SARNP: variants seen among roughly 807,000 people sequenced by gnomAD.
SARNP encodes the protein SAP domain-containing ribonucleoprotein.
SARNP carries 5 observed loss-of-function variants against 38.1 expected under a neutral mutation model. That is an observed-to-expected ratio of 0.13 (90% CI 0.07 to 0.28). SARNP has a LOEUF of 0.28. Ranked by LOEUF, SARNP falls within the 10% of genes least tolerant of loss-of-function variation. The pLI, the probability that SARNP is intolerant of heterozygous loss-of-function variation, is 1.00. For synonymous variants in SARNP, 84 were observed against 80.6 expected (o/e 1.04, Z -0.23); for missense variants, 180 against 243.9 (o/e 0.74, Z 1.75).
chr12:55,782,505 C>G (rs1209147897), intron 9 of SARNP, among the ~76,000 whole-genome samples: 1 of 152,190 alleles, frequency 6.6e-6, no homozygotes, highest in Non-Finnish European at 1.5e-5. Context: ...TTAGTTTTTA[C>G]CAAAACTAAT....
intron 5 of SARNP, among the ~76,000 whole-genome samples, chr12:55,795,762 C>A (rs1419984773): frequency 1.3e-5 from 2 of 152,152 alleles, no homozygotes; most frequent in African/African-American, 4.8e-5. Context: ...TAAATCTAAT[C>A]CTAGGTTTGA....
At chr12:55,796,002 C>A in intron 5 of SARNP, 23 bp downstream of exon 5, 1 of 1,541,008 alleles carries the variant, frequency 6.5e-7, no homozygotes, top group Non-Finnish European at 9.0e-7. Context: ...AGAGACTGTT[C>A]TACTAGGGAG....
At chr12:55,766,632 G>GGGGGT (rs1565671275) in intron 9 of SARNP, among the ~76,000 whole-genome samples, 1 of 46,570 alleles carries the variant, frequency 2.1e-5, no homozygotes. Flanking sequence ...GGGGGGGGGG[G>GGGGGT]TTGTTTTTTT....
chr12:55,783,206 G>T (rs1197637045), intron 9 of SARNP, among the ~76,000 whole-genome samples: 2 of 150,128 alleles, frequency 1.3e-5, no homozygotes, highest in Non-Finnish European at 2.9e-5. Context: ...ATGGGAAACA[G>T]ATAGAGAAAA....
At chr12:55,785,042 G>C (rs1483361653) in intron 9 of SARNP, among the ~76,000 whole-genome samples, 1 of 152,162 alleles carries the variant, frequency 6.6e-6, no homozygotes, top group Non-Finnish European at 1.5e-5. Flanking sequence ...TCCAGAAATT[G>C]AAAATGTTAA....
Position 55,788,626 on chromosome 12 carries a change from G to A in SARNP, c.501+449C>T, listed in dbSNP as rs540159616. Among the ~76,000 whole-genome samples, 13 of 152,002 alleles carry A rather than the reference G, an allele frequency of 8.6e-5. No individual in the cohort carries two copies. In the South Asian group the frequency reaches 1.7e-3, roughly 19 times the overall value. ...AGCTTGGGTAACATAGCAAAATCCC[G>A]TCTCTACCAAAAATTGAAAAAAATT... is the stretch of plus-strand genomic sequence containing the variant. On this transcript the variant is annotated intron_variant, in intron 9 of 10. Transcript: ENST00000336133.
At chr12:55,813,031 C>T (rs1378464921) in intron 1 of SARNP, among the ~76,000 whole-genome samples, 1 of 152,084 alleles carries the variant, frequency 6.6e-6, no homozygotes, top group Non-Finnish European at 1.5e-5. Context: ...CTGCAACCTC[C>T]GCCTCCTGGG....
At position 55,789,082 on chromosome 12, in the gene SARNP, G is replaced by A; in HGVS notation, c.494C>T (p.Ser165Phe). The change falls in exon 9 of 11, where the codon TCC (serine) becomes TTC (phenylalanine). Residue 165 changes from serine to phenylalanine, a missense_variant. By Grantham distance (155) the Ser-to-Phe change is radical. Around this residue, in one of 2 missense-constraint regions of SARNP, gnomAD observed 161 missense variants for 194.1 expected, o/e 0.83. Transcript: ENST00000336133. ...QRFGLNVSSI[S>F]RKSEDDEKLK... ...CCATCGAGCCTACATTACCTTTCTG[G>A]AGATTGAAGAGACATTCAAACCAAA... 6.2e-7 allele frequency: 1 copy of A among 1,602,578 alleles called. No homozygotes were observed. The highest frequency in any genetic ancestry group is 1.1e-5 in the South Asian group (1 of 89,314).
intron 9 of SARNP, among the ~76,000 whole-genome samples, chr12:55,782,486 A>G (rs909996095): frequency 2.0e-5 from 3 of 152,234 alleles, no homozygotes; most frequent in Admixed American, 6.5e-5. Flanking sequence ...TACAGTACTA[A>G]GCCCAGACTT....
chr12:55,812,388 G>A (rs980693404), intron 1 of SARNP, among the ~76,000 whole-genome samples: 1 of 152,008 alleles, frequency 6.6e-6, no homozygotes, highest in Non-Finnish European at 1.5e-5. Flanking sequence ...CCTTCCCTCA[G>A]TAAAATACAA....
At chr12:55,768,534 C>T (rs1446507200) in intron 9 of SARNP, among the ~76,000 whole-genome samples, 1 of 151,962 alleles carries the variant, frequency 6.6e-6, no homozygotes, top group African/African-American at 2.4e-5. Flanking sequence ...ATGAGATTCT[C>T]CTGCCTCAGC....
chr12:55,803,608 C>T (rs751034784), intron 2 of SARNP, 21 bp downstream of exon 2: 1 of 1,481,712 alleles, frequency 6.7e-7, no homozygotes, highest in South Asian at 1.2e-5. Context: ...TCACATCACT[C>T]CGCCTCCACA....
At chr12:55,790,057 T>C (rs1017339548) in intron 8 of SARNP, among the ~76,000 whole-genome samples, 2 of 151,970 alleles carry the variant, frequency 1.3e-5, no homozygotes, top group Admixed American at 6.6e-5. Context: ...GCTGATTCTA[T>C]TTCACCACAG....
At position 55,758,905 on chromosome 12, in the gene SARNP, CTTTTTT is replaced by C. The variant is rs1161845803; in HGVS notation, c.592-1358_592-1353del. Among the ~76,000 whole-genome samples the C allele has an allele frequency of 2.9e-5, 4 of 136,658 alleles. No homozygotes were observed. In the East Asian group the frequency reaches 6.3e-4, roughly 21 times the overall value. 89.7% of individuals were successfully genotyped at this position (136,658 alleles called of 152,430 possible). ...AGCAATGCAAGAACAGCCTAATATA[CTTTTTT>C]TTTTTTTTTTTTTGAGACAGTCTTG... On this transcript the variant is annotated intron_variant, in intron 10 of 10. Coordinates refer to ENST00000336133, the MANE Select transcript of SARNP (RefSeq NM_033082.4).
At chr12:55,816,496 C>G (rs1018673355) in intron 1 of SARNP, among the ~76,000 whole-genome samples, 1 of 152,036 alleles carries the variant, frequency 6.6e-6, no homozygotes, top group Non-Finnish European at 1.5e-5. Flanking sequence ...GTAAGAAAAA[C>G]ATCAGTTTCA....
At chr12:55,778,702 T>TA (rs1879256361) in intron 9 of SARNP, among the ~76,000 whole-genome samples, 1 of 152,212 alleles carries the variant, frequency 6.6e-6, no homozygotes, top group Non-Finnish European at 1.5e-5. Context: ...CCAGGTGTGG[T>TA]AGCTCACGCC....
intron 1 of SARNP, among the ~76,000 whole-genome samples, chr12:55,804,991 C>T (rs903679101): frequency 1.3e-5 from 2 of 152,200 alleles, no homozygotes; most frequent in Non-Finnish European, 2.9e-5. Flanking sequence ...TGGCCGGGCG[C>T]GGTGGCTCAC....
chr12:55,798,555 TC>T (rs1476758155), intron 4 of SARNP, among the ~76,000 whole-genome samples: 1 of 152,166 alleles, frequency 6.6e-6, no homozygotes, highest in Non-Finnish European at 1.5e-5. Context: ...TAAATGTACA[TC>T]CTCTGTGATG....
rs1304728575 is a variant in SARNP, at chr12:55,804,539, T to C, written c.37-811A>G. ...TTCAAAACTTCAGTTATATAAAAACTGGGTAAGGGAGGATTGGCTCAATAG... is the reference window on the plus strand; with the variant it reads ...TTCAAAACTTCAGTTATATAAAAACCGGGTAAGGGAGGATTGGCTCAATAG... On this transcript the variant is annotated intron_variant, in intron 1 of 10. Transcript: ENST00000336133. Among the ~76,000 whole-genome samples, 4 of 151,918 alleles carry C rather than the reference T, an allele frequency of 2.6e-5. No individual in the cohort carries two copies. The East Asian group carries it at 5.8e-4, about 22-fold the overall frequency.
Sources: allele counts gnomAD v4.1 joint callset (sites outside exome capture counted in the v4.1 genomes callset), GRCh38; gene constraint gnomAD v4.1.1; regional missense constraint gnomAD v4.1.1; transcripts MANE v1.5; gene names NCBI Gene and HGNC (gene_info 2026-07-23, HGNC 2026-07-21).